GABRR3: variants seen among roughly 807,000 people sequenced by gnomAD.
The protein encoded by GABRR3 is gamma-aminobutyric acid type A receptor subunit rho3, also known as gamma-aminobutyric acid receptor subunit rho-3.
A neutral mutation model predicts 43.2 loss-of-function variants in GABRR3; 29 were observed. The observed-to-expected ratio is 0.67, with a 90% CI of 0.50 to 0.92. The LOEUF is 0.92. Among genes scored for constraint, GABRR3 ranks in the 40% least tolerant of loss-of-function variants. The pLI is 0.00. For missense variants in GABRR3, 576 were observed against 572.3 expected (o/e 1.01, Z -0.07); for synonymous variants, 206 against 195.9 (o/e 1.05, Z -0.43).
intron 8 of GABRR3, among the ~76,000 whole-genome samples, chr3:97,994,098 C>T (rs1034084383): frequency 2.6e-5 from 4 of 152,152 alleles, no homozygotes; most frequent in Non-Finnish European, 5.9e-5. Flanking sequence ...CAAATGGAAT[C>T]GCTAATGATT....
chr3:98,000,148 T>C lies in GABRR3; in HGVS notation c.907+1467A>G, dbSNP rs571499923. The C allele has an allele frequency of 4.8e-4, 73 of 152,246 alleles. 1 individual carries two copies. Among genetic ancestry groups the C allele is most frequent in the African/African-American group, 1.7e-3 (69 of 41,552 alleles). The allele number at this position is 152,246 out of a possible 1,614,324, so 9.4% of individuals were successfully genotyped here. ...GAGGGACACTTCTGATTTGCATGCA[T>C]TTTACATAAATCTGCATAGCAATTT... is the stretch of plus-strand genomic sequence containing the variant. On this transcript the variant is annotated intron_variant, in intron 8 of 9. Coordinates refer to ENST00000621172, the Ensembl canonical transcript of GABRR3.
At chr3:97,993,148 A>G in intron 8 of GABRR3, 100 bp from the exon 9 acceptor site, 1 of 935,148 alleles carries the variant, frequency 1.1e-6, no homozygotes, top group Non-Finnish European at 1.5e-6. Context: ...AACAATATCA[A>G]CCTGGTGATC....
chr3:97,989,138 G>T (rs372120178), intron 9 of GABRR3, among the ~76,000 whole-genome samples: 6 of 150,912 alleles, frequency 4.0e-5, no homozygotes, highest in African/African-American at 1.5e-4. Context: ...TAATGGTGGT[G>T]GGTGATAGTA....
intron 2 of GABRR3, among the ~76,000 whole-genome samples, chr3:98,031,977 T>G (rs984497550): frequency 6.6e-6 from 1 of 151,988 alleles, no homozygotes; most frequent in South Asian, 2.1e-4. Flanking sequence ...CAGTTTATAG[T>G]AGTGTTTTAT....
chr3:98,025,428 G>T, intron 3 of GABRR3, 139 bp downstream of exon 3: 1 of 572,282 alleles, frequency 1.7e-6, no homozygotes, highest in South Asian at 2.7e-5. Context: ...TCTCATTAAA[G>T]AGAAGGTGAT....
At chr3:98,004,028 T>G (rs1706690664) in intron 7 of GABRR3, among the ~76,000 whole-genome samples, 1 of 152,012 alleles carries the variant, frequency 6.6e-6, no homozygotes, top group Admixed American at 6.6e-5. Flanking sequence ...GAAGAGGAGT[T>G]AATAACAGAG....
chr3:98,029,368 G>T (rs1335721704), intron 2 of GABRR3, among the ~76,000 whole-genome samples: 1 of 152,174 alleles, frequency 6.6e-6, no homozygotes, highest in African/African-American at 2.4e-5. Context: ...GAAAGCAGAG[G>T]TCTGGGAGGA....
chr3:98,014,949 C>T (rs1293593136), intron 4 of GABRR3, among the ~76,000 whole-genome samples: 3 of 152,066 alleles, frequency 2.0e-5, no homozygotes, highest in Non-Finnish European at 2.9e-5. Flanking sequence ...CTCTGAAAAT[C>T]ACTATATAAG....
At chr3:98,003,688 A>G (rs1398357984) in intron 7 of GABRR3, among the ~76,000 whole-genome samples, 1 of 152,124 alleles carries the variant, frequency 6.6e-6, no homozygotes, top group Non-Finnish European at 1.5e-5. Flanking sequence ...CATCTGAGCA[A>G]GTTAATAAAA....
At chr3:98,012,435 C>G in exon 5 of GABRR3, 1 of 1,613,746 alleles carries the variant, frequency 6.2e-7, no homozygotes, top group Non-Finnish European at 8.5e-7. Flanking sequence ...TTAGAGTGGA[C>G]AAAAAAGATA....
chr3:98,024,645 C>T (rs936535927), intron 3 of GABRR3, among the ~76,000 whole-genome samples: 4 of 152,158 alleles, frequency 2.6e-5, no homozygotes, highest in African/African-American at 9.7e-5. Context: ...GCCAGAGGAT[C>T]TTTCTTCTCA....
chr3:98,033,594 A>G (rs1707118026), intron 2 of GABRR3, among the ~76,000 whole-genome samples: 1 of 152,160 alleles, frequency 6.6e-6, no homozygotes, highest in Non-Finnish European at 1.5e-5. Context: ...ACCAGACTGT[A>G]CAAGTCTACT....
intron 9 of GABRR3, among the ~76,000 whole-genome samples, chr3:97,992,531 T>A (rs943143261): frequency 5.9e-5 from 9 of 152,208 alleles, no homozygotes; most frequent in Non-Finnish European, 1.0e-4. Flanking sequence ...CTATTATTAT[T>A]ATCATCATCA....
intron 9 of GABRR3, among the ~76,000 whole-genome samples, chr3:97,991,148 G>A (rs1360518890): frequency 6.6e-6 from 1 of 152,136 alleles, no homozygotes. Flanking sequence ...ATGGAGGTGA[G>A]CCAAAAGTAC....
intron 6 of GABRR3, among the ~76,000 whole-genome samples, chr3:98,008,139 C>T (rs1706745649): frequency 6.6e-6 from 1 of 152,150 alleles, no homozygotes; most frequent in African/African-American, 2.4e-5. Flanking sequence ...ATCTTGTGCC[C>T]ACACAATGAA....
downstream of GABRR3, among the ~76,000 whole-genome samples, chr3:97,985,962 G>GT (rs1296817415): frequency 6.6e-6 from 1 of 152,106 alleles, no homozygotes; most frequent in Non-Finnish European, 1.5e-5. Flanking sequence ...TGCCTCCCAT[G>GT]TTAAAGTGAT....
At chr3:97,990,203 C>T (rs1706445068) in intron 9 of GABRR3, among the ~76,000 whole-genome samples, 1 of 152,162 alleles carries the variant, frequency 6.6e-6, no homozygotes, top group Non-Finnish European at 1.5e-5. Flanking sequence ...CGCCCTTTTA[C>T]TATATCACTT....
intron 4 of GABRR3, among the ~76,000 whole-genome samples, chr3:98,016,702 G>A (rs1487104978): frequency 6.6e-6 from 1 of 152,126 alleles, no homozygotes; most frequent in Non-Finnish European, 1.5e-5. Flanking sequence ...AATAGATCAA[G>A]AGTGAGTAAA....
At chr3:97,999,789 T>A (rs1706608120) in intron 8 of GABRR3, 1 of 152,136 alleles carries the variant, frequency 6.6e-6, no homozygotes, top group Non-Finnish European at 1.5e-5. Flanking sequence ...GGAGGTAGTA[T>A]GAATAATTTC....
Sources: gnomAD v4.1 joint callset for allele counts (sites outside exome capture counted in the v4.1 genomes callset) on GRCh38, gnomAD v4.1.1 for gene constraint, MANE v1.5 for transcripts, NCBI Gene and HGNC (gene_info 2026-07-23, HGNC 2026-07-21) for gene names.